ZNF385A: variants seen among roughly 807,000 people sequenced by gnomAD.
ZNF385A encodes hematopoietic zinc finger protein.
ZNF385A carries 14 observed loss-of-function variants against 32.1 expected under a neutral mutation model. That is an observed-to-expected ratio of 0.44 (90% confidence interval 0.29 to 0.68). The LOEUF is 0.68. Ranked by LOEUF, ZNF385A falls within the 30% of genes least tolerant of loss-of-function variation. ZNF385A has a pLI of 0.14. For synonymous variants in ZNF385A, 197 were observed against 202.7 expected (o/e 0.97, Z 0.24); for missense variants, 406 against 478.4 (o/e 0.85, Z 1.41).
chr12:54,387,407 CGA>C (rs1284427115), upstream of ZNF385A, among the ~76,000 whole-genome samples: 1 of 152,146 alleles, frequency 6.6e-6, no homozygotes, highest in Non-Finnish European at 1.5e-5. Context: ...TCTGAGGTGG[CGA>C]GAGAGGCAGA....
At chr12:54,390,661 A>AAGCCCCTCTTCTCCCC (rs914927241) in intron 1 of ZNF385A, among the ~76,000 whole-genome samples, 3 of 33,570 alleles carry the variant, frequency 8.9e-5, no homozygotes, top group Admixed American at 8.7e-4. Context: ...CTCTTCTCCC[A>AAGCCCCTCTTCTCCCC]AGCCCCTCTT....
In ZNF385A at chr12:54,384,460, G is replaced by C. The variant is rs1489845678; in HGVS notation, c.55C>G (p.Pro19Ala). Residue 19 changes from proline to alanine, a missense_variant, in exon 1 of 7, where the codon CCT (proline) becomes GCT (alanine). Pro to Ala is a conservative substitution (Grantham distance 27). Coordinates refer to ENST00000394313, the MANE Select transcript of ZNF385A (RefSeq NM_015481.3). ...TAGTTGCTGAAGAGGCCAAGGGTAG[G>C]GGCTGGCTCGAGTGGGAAGGGCAGG... is the stretch of plus-strand genomic sequence containing the variant. The part of the protein sequence containing the change: ...QILPFPLEPA[P>A]TLGLFSNYST... 7 of 1,591,860 alleles carry C rather than the reference G, an allele frequency of 4.4e-6. No homozygotes were observed. The highest frequency in any genetic ancestry group is 6.0e-6 in the Non-Finnish European group (7 of 1,169,732).
In ZNF385A at chr12:54,384,526, G is replaced by C; in HGVS notation, c.-12C>G. ...AGTGGGGGCTGCATGATCGGGGGCT[G>C]CCGTAGCAGAGGCAGGGGCCCTGCC... On this transcript the variant is annotated 5_prime_UTR_variant, in exon 1 of 7. Transcript: ENST00000394313. The C allele has an allele frequency of 5.3e-6, 8 of 1,517,600 alleles. No individual in the cohort carries two copies. The highest frequency in any genetic ancestry group is 7.0e-6 in the Non-Finnish European group (8 of 1,135,630). The allele number at this position is 1,517,600 out of a possible 1,614,324, so 94.0% of individuals were successfully genotyped here.
chr12:54,372,646 T>TATCA (rs1480711125), intron 3 of ZNF385A, among the ~76,000 whole-genome samples: 1 of 152,248 alleles, frequency 6.6e-6, no homozygotes, highest in African/African-American at 2.4e-5. Context: ...AAATGTTAGC[T>TATCA]ATCACCATCA....
chr12:54,371,237 G>T, intron 4 of ZNF385A, 141 bp from the exon 5 acceptor site: 1 of 1,134,828 alleles, frequency 8.8e-7, no homozygotes, highest in Non-Finnish European at 1.2e-6. Flanking sequence ...TAAGCTCCTT[G>T]GGACCCTCCC....
chr12:54,374,172 A>C, intron 2 of ZNF385A, 37 bp from the exon 3 acceptor site: 1 of 1,453,756 alleles, frequency 6.9e-7, no homozygotes, highest in East Asian at 2.4e-5. Flanking sequence ...ATCTGAGATC[A>C]CCTTTCATCT....
chr12:54,370,811 CCAT>C lies in ZNF385A; in HGVS notation c.775-93_775-91del. On this transcript the variant is annotated intron_variant, in intron 5 of 6. Coordinates refer to ENST00000394313, the MANE Select transcript of ZNF385A (RefSeq NM_015481.3). The surrounding 1 kb of genome is among the most constrained non-coding windows in gnomAD (Gnocchi z 5.5). ...TCAAGCTCCAAGCACCGGCCCCCTC[CCAT>C]CTGGCCCCCTGGGGAAAACTCTGAA... 6.3e-7 allele frequency: 1 copy of C among 1,594,918 alleles called. No individual in the cohort carries two copies. Among genetic ancestry groups the C allele is most frequent in the East Asian group, 2.2e-5 (1 of 44,706 alleles).
chr12:54,376,872 G>C (rs1440606754), intron 1 of ZNF385A, among the ~76,000 whole-genome samples: 1 of 152,210 alleles, frequency 6.6e-6, no homozygotes, highest in Admixed American at 6.5e-5. Flanking sequence ...CCTCCCTTTT[G>C]GCCTCTAGGC....
chr12:54,389,015 G>A (rs754053044), upstream of ZNF385A, among the ~76,000 whole-genome samples: 6 of 152,186 alleles, frequency 3.9e-5, no homozygotes, highest in Non-Finnish European at 7.3e-5. Flanking sequence ...TGGGCCTAGA[G>A]GGAGTAGTTG....
intron 1 of ZNF385A, among the ~76,000 whole-genome samples, chr12:54,390,405 A>G (rs1955603359): frequency 6.6e-6 from 1 of 152,028 alleles, no homozygotes; most frequent in Non-Finnish European, 1.5e-5. Flanking sequence ...ACGGGCTGTC[A>G]GAGCCCAGCA....
intron 2 of ZNF385A, 122 bp downstream of exon 2, chr12:54,375,722 A>G (rs1253887404): frequency 8.7e-6 from 7 of 808,422 alleles, no homozygotes; most frequent in Middle Eastern, 2.3e-4. Flanking sequence ...TCTTTGCCTA[A>G]TATCCCCTTA....
chr12:54,369,245 G>A lies in ZNF385A; in HGVS notation c.*1011C>T, dbSNP rs1053594868. On this transcript the variant is annotated 3_prime_UTR_variant, in exon 7 of 7. Transcript: ENST00000394313. ...TCAAGCAGAAAGAGTTGATGGGAAG[G>A]GGAAGACCAGTGTAGGCCAGACCCC... 12 of 152,250 alleles carry A rather than the reference G, an allele frequency of 7.9e-5. No individual in the cohort carries two copies. The highest frequency in any genetic ancestry group is 2.9e-4 in the African/African-American group (12 of 41,282). The allele number at this position is 152,250 out of a possible 1,614,324, so 9.4% of individuals were successfully genotyped here.
At chr12:54,382,427 G>C (rs1039799287) in intron 1 of ZNF385A, among the ~76,000 whole-genome samples, 1 of 152,110 alleles carries the variant, frequency 6.6e-6, no homozygotes, top group African/African-American at 2.4e-5. Context: ...CCCTCATTTG[G>C]GGGGAGCAGC....
At chr12:54,386,412 G>A (rs117492602), upstream of ZNF385A, among the ~76,000 whole-genome samples, 5 of 152,244 alleles carry the variant, frequency 3.3e-5, no homozygotes, top group East Asian at 3.9e-4. Context: ...CAGACAGACC[G>A]AGAGACAGAG....
intron 3 of ZNF385A, 30 bp from the exon 4 acceptor site, chr12:54,371,745 C>T (rs1350267941): frequency 6.2e-7 from 1 of 1,609,538 alleles, no homozygotes; most frequent in Non-Finnish European, 8.5e-7. Context: ...ATGGGGATCA[C>T]CCTAGATGGC....
At chr12:54,384,845 G>GT, upstream of ZNF385A, 1 of 1,174,246 alleles carries the variant, frequency 8.5e-7, no homozygotes, top group Non-Finnish European at 1.1e-6. Flanking sequence ...TACAGACCCA[G>GT]TAAGAGCTCA....
chr12:54,379,296 C>T, intron 1 of ZNF385A: 9 of 668,122 alleles, frequency 1.3e-5, no homozygotes, highest in Non-Finnish European at 1.7e-5. Context: ...GGGACAGGGA[C>T]AGGGAGCTGA....
At chr12:54,386,967 A>T (rs576762986), upstream of ZNF385A, among the ~76,000 whole-genome samples, 9 of 152,354 alleles carry the variant, frequency 5.9e-5, no homozygotes, top group Non-Finnish European at 1.3e-4. Context: ...AGTAGTTAAC[A>T]AACTTGGCTG....
chr12:54,386,020 G>T (rs1039770208), upstream of ZNF385A, among the ~76,000 whole-genome samples: 1 of 152,108 alleles, frequency 6.6e-6, no homozygotes, highest in African/African-American at 2.4e-5. Context: ...CAGAGCAGGG[G>T]GTCAAGGCTA....
Sources: gnomAD v4.1 joint callset for allele counts (sites outside exome capture counted in the v4.1 genomes callset) on GRCh38, gnomAD v4.1.1 for gene constraint, Gnocchi (gnomAD v3.1) non-coding constraint, MANE v1.5 for transcripts, NCBI Gene and HGNC (gene_info 2026-07-23, HGNC 2026-07-21) for gene names.